Variants in SIK3 observed in about 807,000 individuals in gnomAD.
SIK3 encodes the protein serine/threonine-protein kinase SIK3.
In SIK3, 28 loss-of-function variants were observed where a neutral mutation model predicts 144.2. That is an observed-to-expected ratio of 0.19 (90% CI 0.14 to 0.27). The LOEUF is 0.27. SIK3 is among the 10% of genes least tolerant of loss of function. SIK3 has a pLI of 1.00. For synonymous variants in SIK3, 686 were observed against 676.3 expected (o/e 1.01, Z -0.22); for missense variants, 1,319 against 1,776.0 (o/e 0.74, Z 4.62).
chr11:117,050,719 GATAA>G lies in SIK3; in HGVS notation c.273+47420_273+47423del, dbSNP rs1394921448. ...AATAAATTAAATAAATAAATAAACA[GATAA>G]ATAAATAAATAGTTTTTTTTTAATG... On this transcript the variant is annotated intron_variant, in intron 1 of 24. Coordinates refer to ENST00000445177, the MANE Select transcript of SIK3 (RefSeq NM_001366686.3). Among the ~76,000 whole-genome samples, 39 of 152,074 alleles carry G rather than the reference GATAA, an allele frequency of 2.6e-4. 1 individual carries two copies. Among genetic ancestry groups the G allele is most frequent in the Middle Eastern group, 3.4e-3 (1 of 294 alleles).
chr11:117,043,877 T>G (rs1402044412), intron 1 of SIK3, among the ~76,000 whole-genome samples: 2 of 152,334 alleles, frequency 1.3e-5, no homozygotes, highest in African/African-American at 4.8e-5. Flanking sequence ...CATTAACATT[T>G]AGTGCAGTAC....
intron 6 of SIK3, among the ~76,000 whole-genome samples, chr11:116,894,491 A>T (rs533193168): frequency 6.6e-6 from 1 of 152,312 alleles, no homozygotes; most frequent in East Asian, 1.9e-4. Flanking sequence ...CAGTAAAACC[A>T]TCCTTCCATT....
intron 4 of SIK3, among the ~76,000 whole-genome samples, chr11:116,916,929 A>G (rs1324410771): frequency 6.6e-6 from 1 of 150,884 alleles, no homozygotes; most frequent in African/African-American, 2.4e-5. Flanking sequence ...ACAGAGCGAG[A>G]CCTCATCTCT....
chr11:117,034,681 G>C (rs187627782), intron 1 of SIK3, among the ~76,000 whole-genome samples: 2 of 152,162 alleles, frequency 1.3e-5, no homozygotes, highest in South Asian at 2.1e-4. Context: ...GAAGATGCCA[G>C]CACGATTCCA....
At chr11:116,938,919 A>G (rs1353598729) in intron 3 of SIK3, among the ~76,000 whole-genome samples, 1 of 152,188 alleles carries the variant, frequency 6.6e-6, no homozygotes, top group Non-Finnish European at 1.5e-5. Context: ...TTGCATAATT[A>G]TGTTACAAAA....
intron 1 of SIK3, among the ~76,000 whole-genome samples, 185 bp downstream of exon 1, chr11:117,097,958 G>T (rs558652377): frequency 1.3e-5 from 2 of 151,382 alleles, no homozygotes; most frequent in South Asian, 4.2e-4. Flanking sequence ...TTGGAGTTCC[G>T]CCGTCTCGAG....
At chr11:116,962,758 T>C (rs1949392672) in intron 1 of SIK3, among the ~76,000 whole-genome samples, 1 of 152,112 alleles carries the variant, frequency 6.6e-6, no homozygotes, top group Non-Finnish European at 1.5e-5. Context: ...TATACCAGAT[T>C]TCAAAGATAG....
chr11:117,027,025 G>GT (rs1303660145), intron 1 of SIK3, among the ~76,000 whole-genome samples: 2 of 152,170 alleles, frequency 1.3e-5, no homozygotes, highest in African/African-American at 4.8e-5. Flanking sequence ...TACTACCAAC[G>GT]TAATTTTGTT....
At chr11:116,927,472 G>T (rs544964741) in intron 3 of SIK3, 92 bp from the exon 4 acceptor site, 15 of 1,274,092 alleles carry the variant, frequency 1.2e-5, no homozygotes, top group Admixed American at 2.1e-5. Flanking sequence ...GGGCCCTCTC[G>T]AGTGAGTTAA....
chr11:116,958,076 A>G (rs530563824), intron 1 of SIK3, among the ~76,000 whole-genome samples: 151 of 152,330 alleles, frequency 9.9e-4, no homozygotes, highest in African/African-American at 3.3e-3. Context: ...TGTAATCAGT[A>G]TGGAAGCAAT....
chr11:116,859,555 G>T lies in SIK3; in HGVS notation c.2475C>A (p.Ile825=). 1.2e-6 allele frequency: 2 copies of T among 1,614,202 alleles called. No homozygotes were observed. Among genetic ancestry groups the T allele is most frequent in the African/African-American group, 1.3e-5 (1 of 75,054 alleles). Residue 825 remains isoleucine, a synonymous_variant, in exon 20 of 25, where the codon ATC becomes ATA. Coordinates refer to ENST00000445177, the MANE Select transcript of SIK3 (RefSeq NM_001366686.3). ...QFQGLPSRSA[I]FQQQPENCSS... is the part of the protein sequence containing the mutation. The stretch of plus-strand genomic sequence containing the variant: ...AACAGTTCTCAGGTTGCTGCTGAAA[G>T]ATTGCACTGCGGGAAGGTAAGCCTT...
At chr11:116,860,349 T>C (rs531212870) in intron 19 of SIK3, among the ~76,000 whole-genome samples, 1 of 152,184 alleles carries the variant, frequency 6.6e-6, no homozygotes, top group African/African-American at 2.4e-5. Flanking sequence ...AGGAAGAGCC[T>C]AGAGGCCAAT....
chr11:116,893,074 C>T (rs1412949468), intron 6 of SIK3, among the ~76,000 whole-genome samples: 1 of 152,116 alleles, frequency 6.6e-6, no homozygotes, highest in Non-Finnish European at 1.5e-5. Context: ...GATAAACAGG[C>T]AGAGCACAGA....
chr11:117,049,832 G>A (rs1337847860), intron 1 of SIK3, among the ~76,000 whole-genome samples: 1 of 151,734 alleles, frequency 6.6e-6, no homozygotes. Flanking sequence ...GCACGTGACT[G>A]TAGTCCTAGC....
chr11:117,008,020 A>T (rs1406601476), intron 1 of SIK3, among the ~76,000 whole-genome samples: 1 of 144,274 alleles, frequency 6.9e-6, no homozygotes, highest in Non-Finnish European at 1.5e-5. Flanking sequence ...AAGCTGCAGT[A>T]AACTGAGATC....
chr11:116,987,826 A>G (rs568135714), intron 1 of SIK3, among the ~76,000 whole-genome samples: 61 of 152,334 alleles, frequency 4.0e-4, no homozygotes, highest in Non-Finnish European at 7.2e-4. Context: ...AAACTGTTGA[A>G]GAATCATTAT....
At chr11:117,057,242 G>A (rs1450989901) in intron 1 of SIK3, among the ~76,000 whole-genome samples, 2 of 152,160 alleles carry the variant, frequency 1.3e-5, no homozygotes, top group Non-Finnish European at 2.9e-5. Flanking sequence ...AGTATAAAAC[G>A]TTAAAGGAGG....
chr11:116,969,884 T>C (rs1949707398), intron 1 of SIK3, among the ~76,000 whole-genome samples: 2 of 151,992 alleles, frequency 1.3e-5, no homozygotes, highest in South Asian at 4.2e-4. Context: ...AGATTGAGAG[T>C]TCAATTTCCA....
At chr11:116,947,875 T>G (rs961680754) in intron 3 of SIK3, among the ~76,000 whole-genome samples, 15 of 151,728 alleles carry the variant, frequency 9.9e-5, no homozygotes, top group Non-Finnish European at 2.2e-4. Context: ...CTATTTCTTC[T>G]TAAGTCAGTT....
Sources: allele counts gnomAD v4.1 joint callset (sites outside exome capture counted in the v4.1 genomes callset), GRCh38; gene constraint gnomAD v4.1.1; transcripts MANE v1.5; gene names NCBI Gene and HGNC (gene_info 2026-07-23, HGNC 2026-07-21).